CPLX2: variants seen among roughly 807,000 people sequenced by gnomAD.
The protein encoded by CPLX2 is complexin-2.
CPLX2 carries 5 observed loss-of-function variants against 16.3 expected under a neutral mutation model. The observed-to-expected ratio is 0.31, with a 90% CI of 0.16 to 0.64. The LOEUF (loss-of-function observed/expected upper bound fraction) is 0.64. Among genes scored for constraint, CPLX2 ranks in the 30% least tolerant of loss-of-function variants. CPLX2 has a pLI of 0.79. For missense variants in CPLX2, 144 were observed against 181.4 expected (o/e 0.79, Z 1.18); for synonymous variants, 89 against 73.2 (o/e 1.22, Z -1.10).
intron 2 of CPLX2, among the ~76,000 whole-genome samples, chr5:175,850,130 G>A (rs1759120880): frequency 6.7e-6 from 1 of 149,406 alleles, no homozygotes; most frequent in African/African-American, 2.5e-5. Context: ...AAATACTGGA[G>A]TTTGCAAGTG....
At chr5:175,857,895 C>T (rs1273280618) in intron 2 of CPLX2, among the ~76,000 whole-genome samples, 2 of 152,222 alleles carry the variant, frequency 1.3e-5, no homozygotes, top group East Asian at 1.9e-4. Flanking sequence ...TAAGTGAGCA[C>T]GAAGGTGCTG....
chr5:175,825,106 G>A (rs1758586970), intron 2 of CPLX2, among the ~76,000 whole-genome samples: 1 of 151,794 alleles, frequency 6.6e-6, no homozygotes, highest in African/African-American at 2.4e-5. Context: ...GCTTTAACTT[G>A]GCGAACTGGA....
intron 2 of CPLX2, among the ~76,000 whole-genome samples, chr5:175,828,990 G>A (rs1387495499): frequency 2.0e-5 from 3 of 152,028 alleles, no homozygotes; most frequent in Non-Finnish European, 2.9e-5. Flanking sequence ...CGCACTCCCC[G>A]CAAACACACC....
intron 2 of CPLX2, among the ~76,000 whole-genome samples, chr5:175,815,322 T>C (rs73803058): frequency 0.01 from 1,574 of 152,090 alleles, 25 homozygotes; most frequent in African/African-American, 0.035. Flanking sequence ...TGAGGAAGTC[T>C]AATGAGAACC....
chr5:175,835,940 T>C (rs939922617), intron 2 of CPLX2, among the ~76,000 whole-genome samples: 6 of 151,998 alleles, frequency 3.9e-5, no homozygotes, highest in African/African-American at 1.4e-4. Context: ...GGTTTCCCCA[T>C]GTTGGCCGGG....
Position 175,809,236 on chromosome 5 carries a change from G to C in CPLX2, c.-89+168G>C, listed in dbSNP as rs1335760434. 1 of 152,238 alleles carries C rather than the reference G, an allele frequency of 6.6e-6. No individual in the cohort carries two copies. The highest frequency in any genetic ancestry group is 1.9e-4 in the East Asian group (1 of 5,198). 9.4% of individuals were successfully genotyped at this position (152,238 alleles called of 1,614,324 possible). ...AGTGTGATGGAATGGTGTTTACCTTGCATGTTCAGAGCCGTTTACAACAGA... is the reference window on the plus strand; with the variant it reads ...AGTGTGATGGAATGGTGTTTACCTTCCATGTTCAGAGCCGTTTACAACAGA... On this transcript the variant is annotated intron_variant, in intron 2 of 4. Coordinates refer to the CPLX2 transcript ENST00000359546. The surrounding 1 kb of genome is among the most constrained non-coding windows in gnomAD (Gnocchi z 4.4).
At chr5:175,843,234 CCT>C (rs1758978291) in intron 2 of CPLX2, among the ~76,000 whole-genome samples, 1 of 152,200 alleles carries the variant, frequency 6.6e-6, no homozygotes, top group Non-Finnish European at 1.5e-5. Flanking sequence ...TCCTCCAGCC[CCT>C]CTCTCGAGCT....
chr5:175,863,155 A>G (rs1436866472), intron 2 of CPLX2, among the ~76,000 whole-genome samples: 1 of 152,230 alleles, frequency 6.6e-6, no homozygotes, highest in Admixed American at 6.5e-5. Context: ...GTAAGTCCTT[A>G]GGGCACAGCT....
upstream of CPLX2, among the ~76,000 whole-genome samples, chr5:175,869,821 G>A (rs895150166): frequency 2.6e-5 from 4 of 152,120 alleles, no homozygotes; most frequent in Admixed American, 2.0e-4. Flanking sequence ...GTCCATAACT[G>A]AGCTCAGTAT....
Position 175,878,787 on chromosome 5 carries a change from C to A in CPLX2, c.31+17C>A. 6.2e-7 allele frequency: 1 copy of A among 1,612,762 alleles called. No individual in the cohort carries two copies. The highest frequency in any genetic ancestry group is 8.5e-7 in the Non-Finnish European group (1 of 1,179,638). On this transcript the variant is annotated intron_variant, in intron 2 of 3. Coordinates refer to ENST00000393745, the MANE Select transcript of CPLX2 (RefSeq NM_001008220.2). ...CCCTTGGAGGTGAGGTCCAGCGCCC[C>A]TCCGCGTGTCCTCAGCCGGTCCCAC...
rs1758723806 is a variant in CPLX2 at position 175,830,915 on chromosome 5, A to T, written c.-89+21847A>T. The stretch of plus-strand genomic sequence containing the variant: ...TTTTACCAACTGGAAGGGGCCTTAG[A>T]GCCCAAGGGAAACGTGCGTGTGTTC... On this transcript the variant is annotated intron_variant, in intron 2 of 4. Transcript: ENST00000359546. The surrounding 1 kb of genome is among the most constrained non-coding windows in gnomAD (Gnocchi z 4.0). Among the ~76,000 whole-genome samples the T allele has an allele frequency of 6.6e-6, 1 of 152,234 alleles. No homozygotes were observed.
intron 2 of CPLX2, among the ~76,000 whole-genome samples, chr5:175,815,268 C>A (rs1435483658): frequency 6.6e-6 from 1 of 152,162 alleles, no homozygotes; most frequent in Non-Finnish European, 1.5e-5. Flanking sequence ...GGGTACTGGG[C>A]AAGTCTGATC....
chr5:175,859,052 C>T (rs1365598431), intron 2 of CPLX2, among the ~76,000 whole-genome samples: 1 of 152,250 alleles, frequency 6.6e-6, no homozygotes, highest in South Asian at 2.1e-4. Context: ...ACCAACCTAG[C>T]ATACAGGGTC....
intron 2 of CPLX2, among the ~76,000 whole-genome samples, chr5:175,822,502 G>A (rs1436780017): frequency 6.6e-6 from 1 of 152,196 alleles, no homozygotes; most frequent in African/African-American, 2.4e-5. Context: ...CCGTTAACGA[G>A]GCTCTTTAGA....
At chr5:175,865,393 G>A (rs1759454433) in intron 2 of CPLX2, among the ~76,000 whole-genome samples, 1 of 152,190 alleles carries the variant, frequency 6.6e-6, no homozygotes, top group African/African-American at 2.4e-5. Context: ...TCTGCACCAA[G>A]ATGGAAAGAA....
rs187179712 is a variant in CPLX2, at chr5:175,872,420, T to C, written c.-89+715T>C. ...AATCTGCCCCCTTCCCCAGCAAAGT[T>C]TGAAACCGGGCCGGGTCTTGGGGTT... is the stretch of plus-strand genomic sequence containing the variant. On this transcript the variant is annotated intron_variant, in intron 1 of 3. Coordinates refer to ENST00000393745, the MANE Select transcript of CPLX2 (RefSeq NM_001008220.2). This position sits in a 1 kb window ranked among gnomAD's most constrained non-coding sequence, Gnocchi z 5.0. Among the ~76,000 whole-genome samples the C allele has an allele frequency of 4.6e-3, 699 of 152,168 alleles. 17 individuals carry two copies. Among genetic ancestry groups the C allele is most frequent in the Admixed American group, 0.043 (658 of 15,300 alleles).
In CPLX2 at chr5:175,809,364, G is replaced by A. The variant is rs1249398603; in HGVS notation, c.-89+296G>A. On this transcript the variant is annotated intron_variant, in intron 2 of 4. Coordinates refer to the CPLX2 transcript ENST00000359546. This position sits in a 1 kb window ranked among gnomAD's most constrained non-coding sequence, Gnocchi z 4.4. ...ATGAGAAAACTGAAGCTCAGAGAGT[G>A]AAAGGACTTGCCTAAAGACACACAG... 2 of 152,268 alleles carry A rather than the reference G, an allele frequency of 1.3e-5. No individual in the cohort carries two copies. Among genetic ancestry groups the A allele is most frequent in the African/African-American group, 4.8e-5 (2 of 41,466 alleles). The allele number at this position is 152,268 out of a possible 1,614,324, so 9.4% of individuals were successfully genotyped here.
intron 2 of CPLX2, among the ~76,000 whole-genome samples, chr5:175,850,879 C>G (rs188621994): frequency 6.6e-6 from 1 of 152,034 alleles, no homozygotes; most frequent in East Asian, 1.9e-4. Context: ...CAGGCTGAGG[C>G]AGAGACACAA....
chr5:175,877,819 C>A (rs75757780), intron 1 of CPLX2, among the ~76,000 whole-genome samples: 1 of 152,038 alleles, frequency 6.6e-6, no homozygotes, highest in African/African-American at 2.4e-5. Flanking sequence ...ATTTGGAGAA[C>A]CCTTCTGAGG....
Sources: allele counts gnomAD v4.1 joint callset (sites outside exome capture counted in the v4.1 genomes callset), GRCh38; gene constraint gnomAD v4.1.1; non-coding constraint Gnocchi (gnomAD v3.1); transcripts MANE v1.5; gene names NCBI Gene and HGNC (gene_info 2026-07-23, HGNC 2026-07-21).